Variants in SUGCT observed in about 807,000 individuals in gnomAD.
SUGCT encodes the protein succinyl-CoA:glutarate-CoA transferase.
SUGCT carries 41 observed loss-of-function variants against 55.0 expected under a neutral mutation model. The ratio of observed to expected loss-of-function variants is 0.74; its 90% CI spans 0.58 to 0.97. The LOEUF is 0.97. Among genes scored for constraint, SUGCT ranks in the 50% least tolerant of loss-of-function variants. The pLI is 0.00. For missense variants in SUGCT, 568 were observed against 547.8 expected (o/e 1.04, Z -0.37); for synonymous variants, 187 against 200.4 (o/e 0.93, Z 0.56).
At chr7:40,863,202 C>G (rs1351767892), downstream of SUGCT, among the ~76,000 whole-genome samples, 2 of 152,166 alleles carry the variant, frequency 1.3e-5, no homozygotes, top group Non-Finnish European at 2.9e-5. Flanking sequence ...CCACTGCACT[C>G]TAGCCTGGGT....
intron 8 of SUGCT, among the ~76,000 whole-genome samples, chr7:40,292,745 G>A (rs1167998409): frequency 1.3e-5 from 2 of 152,158 alleles, no homozygotes; most frequent in African/African-American, 2.4e-5. Context: ...GATATGTTTT[G>A]TCAGGTTTAA....
chr7:40,405,895 A>G (rs1470892194), intron 9 of SUGCT, among the ~76,000 whole-genome samples: 1 of 151,672 alleles, frequency 6.6e-6, no homozygotes, highest in African/African-American at 2.4e-5. Flanking sequence ...TTTCATGGTG[A>G]TGCCATTGGT....
chr7:40,708,829 T>G (rs1381616850), intron 12 of SUGCT, among the ~76,000 whole-genome samples: 2 of 152,150 alleles, frequency 1.3e-5, no homozygotes, highest in Non-Finnish European at 2.9e-5. Context: ...GCTTCTTTCT[T>G]CTGGTCCATA....
chr7:40,960,698 A>T, the SUGCT span, among the ~76,000 whole-genome samples: 1 of 152,178 alleles, frequency 6.6e-6, no homozygotes, highest in Non-Finnish European at 1.5e-5. Flanking sequence ...TGTTTTTCCA[A>T]AGTTTCTCAT....
At chr7:40,730,058 G>A (rs545289920) in intron 12 of SUGCT, among the ~76,000 whole-genome samples, 48 of 152,274 alleles carry the variant, frequency 3.2e-4, no homozygotes, top group African/African-American at 1.1e-3. Context: ...AGAACATGAA[G>A]CAGGGGAATG....
chr7:40,986,405 T>C, the SUGCT span, among the ~76,000 whole-genome samples: 254 of 152,208 alleles, frequency 1.7e-3, 3 homozygotes, highest in Non-Finnish European at 1.2e-3. Context: ...GATGGGGAAA[T>C]ACGAAAACCA....
rs566249655 is a variant in SUGCT, at chr7:40,673,418, G to A, written c.1090-76016G>A. Among the ~76,000 whole-genome samples the A allele has an allele frequency of 2.2e-4, 33 of 152,202 alleles. No individual in the cohort carries two copies. In the East Asian group the frequency reaches 6.4e-3, roughly 29 times the overall value. On this transcript the variant is annotated intron_variant, in intron 12 of 13. Transcript: ENST00000335693. ...TTTGCTGCTCTGACTCTAACTTCCC[G>A]TGGCCTTTCATCATTTAGTTTCTTC...
At chr7:40,217,665 C>A in intron 6 of SUGCT, 1 of 193,994 alleles carries the variant, frequency 5.2e-6, no homozygotes, top group Non-Finnish European at 1.1e-5. Context: ...GCTGTAGAAA[C>A]AGAAAAGTGG....
chr7:40,826,498 G>A (rs1432776101), intron 13 of SUGCT, among the ~76,000 whole-genome samples: 1 of 152,184 alleles, frequency 6.6e-6, no homozygotes, highest in African/African-American at 2.4e-5. Context: ...GAGAATGGGA[G>A]TAATCTGTGG....
intron 9 of SUGCT, among the ~76,000 whole-genome samples, chr7:40,375,606 C>G (rs768005029): frequency 6.6e-6 from 1 of 152,172 alleles, no homozygotes; most frequent in Non-Finnish European, 1.5e-5. Context: ...GCACAACTAT[C>G]CCTCATTTGA....
intron 12 of SUGCT, among the ~76,000 whole-genome samples, chr7:40,642,785 C>T (rs906559316): frequency 1.3e-5 from 2 of 152,062 alleles, no homozygotes; most frequent in Admixed American, 6.5e-5. Context: ...ATGCAGTAGC[C>T]GAATTGGTTT....
At chr7:40,671,762 A>T (rs563749272) in intron 12 of SUGCT, among the ~76,000 whole-genome samples, 1 of 152,174 alleles carries the variant, frequency 6.6e-6, no homozygotes, top group Non-Finnish European at 1.5e-5. Context: ...TATAGGAAAG[A>T]TGTCATGTCT....
chr7:40,231,866 G>T (rs1458182816), intron 6 of SUGCT, among the ~76,000 whole-genome samples: 2 of 152,210 alleles, frequency 1.3e-5, no homozygotes, highest in African/African-American at 4.8e-5. Context: ...TTGGGAAGCT[G>T]AGGTGGGAGG....
chr7:40,248,886 T>TCACA (rs1554296234), intron 7 of SUGCT, among the ~76,000 whole-genome samples: 219 of 111,060 alleles, frequency 2.0e-3, no homozygotes, highest in Non-Finnish European at 3.0e-3. Flanking sequence ...GCGCGCGCGC[T>TCACA]CGCACACACA....
chr7:40,587,447 A>C (rs1291038216), intron 12 of SUGCT, among the ~76,000 whole-genome samples: 1 of 152,250 alleles, frequency 6.6e-6, no homozygotes, highest in Non-Finnish European at 1.5e-5. Flanking sequence ...CATATTTATG[A>C]TAGATATATA....
intron 1 of SUGCT, among the ~76,000 whole-genome samples, chr7:40,145,222 A>G (rs1788182851): frequency 6.6e-6 from 1 of 152,252 alleles, no homozygotes; most frequent in Admixed American, 6.5e-5. Flanking sequence ...ATGCCTCATT[A>G]TAATCCTTTT....
At chr7:40,299,935 A>G (rs1794432442) in intron 8 of SUGCT, among the ~76,000 whole-genome samples, 1 of 152,200 alleles carries the variant, frequency 6.6e-6, no homozygotes, top group South Asian at 2.1e-4. Context: ...TTCTTTGATT[A>G]ATTAGAACAG....
intron 6 of SUGCT, among the ~76,000 whole-genome samples, chr7:40,234,725 A>G (rs763066837): frequency 6.6e-6 from 1 of 152,040 alleles, no homozygotes; most frequent in African/African-American, 2.4e-5. Flanking sequence ...CCTGGGCAAC[A>G]TAGTGAAATC....
intron 12 of SUGCT, among the ~76,000 whole-genome samples, chr7:40,663,004 A>G (rs1801410207): frequency 1.3e-5 from 2 of 152,224 alleles, no homozygotes; most frequent in South Asian, 2.1e-4. Flanking sequence ...TGAGAATTCA[A>G]TGTGACAGTC....
Sources: allele counts gnomAD v4.1 joint callset (sites outside exome capture counted in the v4.1 genomes callset), GRCh38; gene constraint gnomAD v4.1.1; transcripts MANE v1.5; gene names NCBI Gene and HGNC (gene_info 2026-07-23, HGNC 2026-07-21).